The following LGI2 variants were observed in gnomAD, a reference collection of about 807,000 sequenced individuals.
The protein encoded by LGI2 is leucine-rich repeat LGI family member 2.
Under a neutral mutation model 52.0 loss-of-function variants are expected in LGI2, and 30 were observed. The ratio of observed to expected loss-of-function variants is 0.58; its 90% confidence interval spans 0.43 to 0.78. The LOEUF (loss-of-function observed/expected upper bound fraction) is 0.78, where lower values mean the gene tolerates loss of function less well. LGI2 is among the 30% of genes least tolerant of loss of function. The probability of loss-of-function intolerance (pLI) is 0.00; values close to 1 mark genes in which losing one functional copy is unlikely to be tolerated. For missense variants in LGI2, 573 were observed against 692.5 expected (o/e 0.83, Z 1.94); for synonymous variants, 270 against 271.8 (o/e 0.99, Z 0.06).
rs1560297043 is a variant in LGI2, at chr4:25,030,711, C to T, written c.-18G>A. On this transcript the variant is annotated 5_prime_UTR_variant, in exon 1 of 8. Coordinates refer to ENST00000382114, the MANE Select transcript of LGI2 (RefSeq NM_018176.4). ...AGCGCCATGCCCGGTCCCCGCTCCC[C>T]GCCCGGGCCCCGACCCCCACCGCCG... 3 of 1,245,572 alleles carry T rather than the reference C, an allele frequency of 2.4e-6. No individual in the cohort carries two copies. Among genetic ancestry groups the T allele is most frequent in the Non-Finnish European group, 3.0e-6 (3 of 997,168 alleles). 77.2% of individuals were successfully genotyped at this position (1,245,572 alleles called of 1,614,324 possible). A position where few individuals can be genotyped will look rare whatever the true frequency, so the allele number is the denominator to read the frequency against.
At chr4:25,017,250 G>T (rs1725796734) in intron 6 of LGI2, among the ~76,000 whole-genome samples, 1 of 152,030 alleles carries the variant, frequency 6.6e-6, no homozygotes, top group Non-Finnish European at 1.5e-5. Context: ...GGGTTTAAAA[G>T]TCTGGTGTTT....
In LGI2 at chr4:25,027,063, G is replaced by A. The variant is rs1726175192; in HGVS notation, c.270-124C>T. ...ACATGAGCTCTTCTTAGCCTAAGGA[G>A]ACCACATTTTGTTGTCAAAAACCTG... is the stretch of plus-strand genomic sequence containing the variant. On this transcript the variant is annotated intron_variant, in intron 2 of 7. Coordinates refer to ENST00000382114, the MANE Select transcript of LGI2 (RefSeq NM_018176.4). 3 of 719,202 alleles carry A rather than the reference G, an allele frequency of 4.2e-6. No individual in the cohort carries two copies. The African/African-American group carries it at 5.4e-5, about 13-fold the overall frequency. The allele number at this position is 719,202 out of a possible 1,614,324, so 44.6% of individuals were successfully genotyped here.
intron 6 of LGI2, among the ~76,000 whole-genome samples, chr4:25,015,147 T>C (rs1172046304): frequency 6.6e-6 from 1 of 152,206 alleles, no homozygotes; most frequent in Non-Finnish European, 1.5e-5. Context: ...TTTCTCCCAG[T>C]GGAATCAACA....
chr4:25,013,924 C>G (rs552949323), intron 6 of LGI2, among the ~76,000 whole-genome samples: 1 of 152,116 alleles, frequency 6.6e-6, no homozygotes, highest in African/African-American at 2.4e-5. Flanking sequence ...AGCCAGAAAG[C>G]GTGTGTTCAC....
chr4:25,004,321 A>G lies in LGI2; in HGVS notation c.821-53T>C, dbSNP rs1419301633. On this transcript the variant is annotated intron_variant, in intron 7 of 7. Coordinates refer to ENST00000382114, the MANE Select transcript of LGI2 (RefSeq NM_018176.4). This position sits in a 1 kb window ranked among gnomAD's most constrained non-coding sequence, Gnocchi z 4.6. ...TTAGTGCAACTACAGCTAAAAACGC[A>G]TCTCCGCTTGTACTCTTATACACTG... 4.0e-6 allele frequency: 6 copies of G among 1,486,356 alleles called. No individual in the cohort carries two copies. In the Admixed American group the frequency reaches 5.6e-5, roughly 14 times the overall value. 92.1% of individuals were successfully genotyped at this position (1,486,356 alleles called of 1,614,324 possible).
In LGI2 at chr4:25,030,772, G is replaced by T. The variant is rs973144368; in HGVS notation, c.-79C>A. 1.9e-5 allele frequency: 16 copies of T among 830,198 alleles called. No homozygotes were observed. The highest frequency in any genetic ancestry group is 2.4e-5 in the Non-Finnish European group (16 of 679,364). 51.4% of individuals were successfully genotyped at this position (830,198 alleles called of 1,614,324 possible). A position where few individuals can be genotyped will look rare whatever the true frequency, so the allele number is the denominator to read the frequency against. On this transcript the variant is annotated 5_prime_UTR_variant, in exon 1 of 8. Transcript: ENST00000382114. The stretch of plus-strand genomic sequence containing the variant: ...TCGGACCCGGCGCCGCTGCAGACGC[G>T]GGCGCCGCTCGCTGCTCTGCCGCCG...
chr4:25,003,260 T>A lies in LGI2; in HGVS notation c.*191A>T. 2.0e-6 allele frequency: 1 copy of A among 500,512 alleles called. No homozygotes were observed. 31.0% of individuals were successfully genotyped at this position (500,512 alleles called of 1,614,324 possible). ...TTTTTTTTAAATGGTAGAATGGGCA[T>A]GTCATGCAGTTAGCCAATAAATGCA... On this transcript the variant is annotated 3_prime_UTR_variant, in exon 8 of 8. Coordinates refer to ENST00000382114, the MANE Select transcript of LGI2 (RefSeq NM_018176.4).
rs779688630 is a variant in LGI2 at position 25,004,188 on chromosome 4, G to A, written c.901C>T (p.His301Tyr). The A allele has an allele frequency of 1.2e-6, 2 of 1,614,176 alleles. No homozygotes were observed. Among genetic ancestry groups the A allele is most frequent in the South Asian group, 1.1e-5 (1 of 91,078 alleles). ...CAACTCTCGTCGTATTTGTAAATGT[G>A]AGAGCCACCGAAGAGCTGGGCTACC... ...VVVAQLFGGS[H>Y]IYKYDESWTK... Residue 301 changes from histidine to tyrosine, a missense_variant, in exon 8 of 8, where the codon CAC (histidine) becomes TAC (tyrosine). His to Tyr is a moderately conservative substitution (Grantham distance 83, BLOSUM62 2). Transcript: ENST00000382114. This position sits in a 1 kb window ranked among gnomAD's most constrained non-coding sequence, Gnocchi z 4.6.
In LGI2 at chr4:25,030,661, G is replaced by C. The variant is rs1270076935; in HGVS notation, c.33C>G (p.Leu11=). 2.0e-6 allele frequency: 3 copies of C among 1,526,976 alleles called. No homozygotes were observed. Among genetic ancestry groups the C allele is most frequent in the Non-Finnish European group, 2.6e-6 (3 of 1,139,274 alleles). The allele number at this position is 1,526,976 out of a possible 1,614,324, so 94.6% of individuals were successfully genotyped here. The part of the protein sequence containing the change: MALRRGGCGA[L]GLLLLLLGAA... ...CGCCCAGCAGCAGCAGCAGCAGCCC[G>C]AGCGCTCCGCAGCCGCCTCTCCGCA... is the stretch of plus-strand genomic sequence containing the variant. Residue 11 remains leucine, a synonymous_variant, in exon 1 of 8, where the codon CTC becomes CTG. Transcript: ENST00000382114.
downstream of LGI2, among the ~76,000 whole-genome samples, chr4:24,998,012 G>A (rs1725133521): frequency 1.3e-5 from 2 of 151,986 alleles, no homozygotes; most frequent in South Asian, 4.2e-4. Context: ...TGAGTAGCTG[G>A]GACTAGAGGT....
chr4:25,018,442 G>A (rs967414052), intron 5 of LGI2, among the ~76,000 whole-genome samples: 2 of 152,144 alleles, frequency 1.3e-5, no homozygotes, highest in Non-Finnish European at 2.9e-5. Context: ...TCGTCTCCAC[G>A]CCATGCCAGA....
chr4:25,003,574 A>T lies in LGI2; in HGVS notation c.1515T>A (p.Ile505=). Residue 505 remains isoleucine, a synonymous_variant, in exon 8 of 8, where the codon ATT becomes ATA. Coordinates refer to ENST00000382114, the MANE Select transcript of LGI2 (RefSeq NM_018176.4). ...EKQLFKKFKE[I]YVQAPRSFTA... ...TGAATGAACGAGGCGCCTGCACGTA[A>T]ATCTCCTTAAACTTTTTGAATAGCT... The T allele has an allele frequency of 6.2e-7, 1 of 1,614,200 alleles. No homozygotes were observed. The highest frequency in any genetic ancestry group is 2.2e-5 in the East Asian group (1 of 44,878).
At chr4:25,026,795 C>T in intron 3 of LGI2, 73 bp downstream of exon 3, 9 of 1,201,178 alleles carry the variant, frequency 7.5e-6, no homozygotes, top group Non-Finnish European at 1.0e-5. Flanking sequence ...GATGCTGTTC[C>T]AGCACAGAAA....
At position 25,003,968 on chromosome 4, in the gene LGI2, G is replaced by A. The variant is rs772010224; in HGVS notation, c.1121C>T (p.Thr374Met). 5.6e-5 allele frequency: 91 copies of A among 1,614,026 alleles called. No individual in the cohort carries two copies. In the East Asian group the frequency reaches 1.5e-3, roughly 26 times the overall value. ...ATCGATATCAACAAACTCCGCATCC[G>A]TGTCCCTGAACCACTCGTGCAGTGA... ...YQSLHEWFRD[T>M]DAEFVDIDGK... The change falls in exon 8 of 8, where the codon ACG (threonine) becomes ATG (methionine). Residue 374 changes from threonine (T) to methionine (M), a missense_variant. Thr to Met is a moderately conservative substitution (Grantham distance 81). Transcript: ENST00000382114.
At position 25,004,048 on chromosome 4, in the gene LGI2, C is replaced by T. The variant is rs774732246; in HGVS notation, c.1041G>A (p.Lys347=). The T allele has an allele frequency of 6.2e-7, 1 of 1,614,192 alleles. No homozygotes were observed. Among genetic ancestry groups the T allele is most frequent in the East Asian group, 2.2e-5 (1 of 44,886 alleles). ...ATTTATAAACTGTGGACAGACCAGC[C>T]TTTGAGCTGTCTGCGATGACAAAGA... The part of the protein sequence containing the change: ...ETFFVIADSS[K]AGLSTVYKWN... Residue 347 remains lysine (K), a synonymous_variant, in exon 8 of 8, where the codon AAG becomes AAA. Coordinates refer to ENST00000382114, the MANE Select transcript of LGI2 (RefSeq NM_018176.4). This position sits in a 1 kb window ranked among gnomAD's most constrained non-coding sequence, Gnocchi z 4.6.
intron 6 of LGI2, among the ~76,000 whole-genome samples, chr4:25,017,146 T>C (rs1003716727): frequency 1.3e-5 from 2 of 152,254 alleles, no homozygotes; most frequent in South Asian, 2.1e-4. Context: ...TGTTTCCTTT[T>C]GATAACTAGT....
chr4:24,995,517 G>C (rs1201589384), downstream of LGI2, among the ~76,000 whole-genome samples: 3 of 152,220 alleles, frequency 2.0e-5, no homozygotes, highest in African/African-American at 7.2e-5. Flanking sequence ...CCATGGTGCA[G>C]ACTGCTGGCA....
intron 1 of LGI2, among the ~76,000 whole-genome samples, chr4:25,029,354 T>G (rs1214878013): frequency 6.6e-6 from 1 of 152,164 alleles, no homozygotes; most frequent in East Asian, 1.9e-4. Flanking sequence ...CCAGCCAAAC[T>G]CTTCTGACTT....
intron 7 of LGI2, among the ~76,000 whole-genome samples, chr4:25,009,943 TC>T (rs1478375819): frequency 6.6e-6 from 1 of 152,174 alleles, no homozygotes; most frequent in African/African-American, 2.4e-5. Context: ...CAGAGTTTTA[TC>T]TAGTTTATTC....
Sources: allele counts gnomAD v4.1 joint callset (sites outside exome capture counted in the v4.1 genomes callset), GRCh38; gene constraint gnomAD v4.1.1; non-coding constraint Gnocchi (gnomAD v3.1); transcripts MANE v1.5; gene names NCBI Gene and HGNC (gene_info 2026-07-23, HGNC 2026-07-21).